SYDE2: variants seen among roughly 807,000 people sequenced by gnomAD.
SYDE2 encodes synapse defective Rho GTPase homolog 2.
A neutral mutation model predicts 91.5 loss-of-function variants in SYDE2; 76 were observed. That is an observed-to-expected ratio of 0.83 (90% confidence interval 0.69 to 1.01). The LOEUF (loss-of-function observed/expected upper bound fraction) is 1.01, where lower values mean the gene tolerates loss of function less well. SYDE2 is among the 50% of genes least tolerant of loss of function. The pLI, the probability that SYDE2 is intolerant of heterozygous loss-of-function variation, is 0.00. For synonymous variants in SYDE2, 513 were observed against 506.4 expected, an observed-to-expected ratio of 1.01 and a Z score of -0.18; for missense variants, 1,364 against 1,367.7, an observed-to-expected ratio of 1.00 and a Z score of 0.04.
intron 2 of SYDE2, 23 bp downstream of exon 2, chr1:85,190,034 G>C: frequency 6.7e-7 from 1 of 1,498,284 alleles, no homozygotes; most frequent in East Asian, 2.3e-5. Flanking sequence ...AAGAAAGAAA[G>C]ACACATATAT....
At chr1:85,159,761 A>G (rs1656991403) in intron 6 of SYDE2, 2 of 761,490 alleles carry the variant, frequency 2.6e-6, no homozygotes, top group African/African-American at 3.8e-5. Flanking sequence ...GTCATAGTTT[A>G]CTAAGCAGAT....
At chr1:85,178,046 TA>T in intron 4 of SYDE2, 99 bp downstream of exon 4, 2 of 1,043,168 alleles carry the variant, frequency 1.9e-6, no homozygotes, top group Non-Finnish European at 2.7e-6. Context: ...GACTTCAGAA[TA>T]AAAACAAATT....
Position 85,182,272 on chromosome 1 carries a change from C to G in SYDE2, c.2370G>C (p.Val790=). 6.2e-7 allele frequency: 1 copy of G among 1,613,000 alleles called. No individual in the cohort carries two copies. The highest frequency in any genetic ancestry group is 8.5e-7 in the Non-Finnish European group (1 of 1,179,566). The change falls in exon 3 of 7, where the codon GTG becomes GTC. Residue 790 remains valine, a synonymous_variant. Coordinates refer to ENST00000341460, the MANE Select transcript of SYDE2 (RefSeq NM_032184.2). The stretch of plus-strand genomic sequence containing the variant: ...CCCACTGTTCCATAAGAGTCACTTT[C>G]ACATAAATAAGACCTCTAGGTTCAA... The part of the protein sequence containing the change: ...VKLEPRGLIY[V]KVTLMEQWEN...
chr1:85,185,263 TA>T (rs780991478), intron 2 of SYDE2, among the ~76,000 whole-genome samples: 2 of 147,974 alleles, frequency 1.4e-5, no homozygotes, highest in East Asian at 3.9e-4. Flanking sequence ...AAATATATTT[TA>T]ATTATATATT....
Position 85,182,517 on chromosome 1 carries a change from C to G in SYDE2, c.2125G>C (p.Asp709His), listed in dbSNP as rs747621109. The stretch of plus-strand genomic sequence containing the variant: ...GCTGTTCTTGCTTTGTTTACTGAAT[C>G]TACCTGAATTGCACAAAAGACGTCT... Reference protein sequence around the residue: ...SKDVFCAIQVDSVNKARTALL... With the variant: ...SKDVFCAIQVHSVNKARTALL... Residue 709 changes from aspartate (D) to histidine (H), a missense_variant, in exon 3 of 7, where the codon GAT becomes CAT. Physicochemically the swap from Asp to His is moderately conservative, Grantham distance 81. Transcript: ENST00000341460. 19 of 1,613,776 alleles carry G rather than the reference C, an allele frequency of 1.2e-5. No individual in the cohort carries two copies. Among genetic ancestry groups the G allele is most frequent in the Non-Finnish European group, 1.4e-5 (17 of 1,179,872 alleles).
intron 1 of SYDE2, among the ~76,000 whole-genome samples, chr1:85,192,019 A>AC (rs111259666): frequency 0.18 from 27,732 of 152,008 alleles, 2,584 homozygotes; most frequent in East Asian, 0.28. Context: ...CAGGTTTCTA[A>AC]ATTATGGAAT....
chr1:85,192,358 T>C (rs1235196104), intron 1 of SYDE2, among the ~76,000 whole-genome samples: 2 of 151,970 alleles, frequency 1.3e-5, no homozygotes, highest in African/African-American at 4.8e-5. Flanking sequence ...CAGTGAGCTA[T>C]GATTGTGCCA....
intron 5 of SYDE2, 93 bp from the exon 6 acceptor site, chr1:85,164,850 C>T (rs1020289266): frequency 1.4e-6 from 1 of 723,098 alleles, no homozygotes; most frequent in Non-Finnish European, 2.0e-6. Flanking sequence ...CATCTTGTCA[C>T]TTTTAAAAGG....
Position 85,158,673 on chromosome 1 carries a change from T to C in SYDE2, c.*77A>G, listed in dbSNP as rs1656949515. The C allele has an allele frequency of 1.7e-6, 1 of 589,632 alleles. No homozygotes were observed. Among genetic ancestry groups the C allele is most frequent in the East Asian group, 3.0e-5 (1 of 33,394 alleles). The allele number at this position is 589,632 out of a possible 1,614,324, so 36.5% of individuals were successfully genotyped here. ...TTTCAAGAGTAAAAAAATGAAAACA[T>C]CGCTGTGGGTGGTATAAGAAAATAA... On this transcript the variant is annotated 3_prime_UTR_variant, in exon 7 of 7. Transcript: ENST00000341460.
intron 1 of SYDE2, among the ~76,000 whole-genome samples, chr1:85,198,119 A>G (rs772061318): frequency 6.6e-6 from 1 of 152,144 alleles, no homozygotes; most frequent in Non-Finnish European, 1.5e-5. Flanking sequence ...AAAGAACTCT[A>G]GAGTCTCTGA....
chr1:85,159,984 T>C (rs1276063554), intron 6 of SYDE2: 5 of 982,652 alleles, frequency 5.1e-6, no homozygotes, highest in East Asian at 2.3e-4. Flanking sequence ...GCTAGCCATA[T>C]AGACGATTAC....
chr1:85,169,724 T>C (rs768873225), intron 4 of SYDE2, among the ~76,000 whole-genome samples: 1 of 152,190 alleles, frequency 6.6e-6, no homozygotes, highest in Non-Finnish European at 1.5e-5. Context: ...CTTAAACCGA[T>C]ATATTGGATG....
At chr1:85,161,725 CA>C (rs60732181) in intron 6 of SYDE2, among the ~76,000 whole-genome samples, 18,782 of 83,174 alleles carry the variant, frequency 0.23, 1,600 homozygotes, top group African/African-American at 0.4. Context: ...GACTCCATCT[CA>C]AAAAAAAAAA....
At position 85,164,671 on chromosome 1, in the gene SYDE2, C is replaced by T. The variant is rs1657199506; in HGVS notation, c.2940G>A (p.Val980=). ...VNKMTCQNLA[V]CFGPVLLSQR... Reference sequence around the variant, plus strand: ...GACTTAATAATACTGGTCCAAAGCACACAGCCAAATTCTGGCACGTCATCT... The same window carrying T: ...GACTTAATAATACTGGTCCAAAGCATACAGCCAAATTCTGGCACGTCATCT... Residue 980 remains valine (V), a synonymous_variant, in exon 6 of 7, where the codon GTG becomes GTA. Coordinates refer to ENST00000341460, the MANE Select transcript of SYDE2 (RefSeq NM_032184.2). 6.4e-7 allele frequency: 1 copy of T among 1,558,124 alleles called. No individual in the cohort carries two copies. Among genetic ancestry groups the T allele is most frequent in the South Asian group, 1.2e-5 (1 of 81,746 alleles).
At position 85,200,439 on chromosome 1, in the gene SYDE2, C is replaced by T. The variant is rs748000181; in HGVS notation, c.558G>A (p.Val186=). Reference sequence around the variant, plus strand: ...TCCACTTCTGCAGCTTCTTGACTGTCACTGCCGGCGGCCTGAGGAAGGAGG... The same window carrying T: ...TCCACTTCTGCAGCTTCTTGACTGTTACTGCCGGCGGCCTGAGGAAGGAGG... The part of the protein sequence containing the change: ...EGPSFLRPPA[V]TVKKLQKWMY... The change falls in exon 1 of 7, where the codon GTG becomes GTA. Residue 186 remains valine, a synonymous_variant. Transcript: ENST00000341460. 1.9e-6 allele frequency: 3 copies of T among 1,613,880 alleles called. No homozygotes were observed. Among genetic ancestry groups the T allele is most frequent in the South Asian group, 2.2e-5 (2 of 91,092 alleles).
chr1:85,198,015 C>G (rs12075407), intron 1 of SYDE2, among the ~76,000 whole-genome samples: 7,062 of 152,226 alleles, frequency 0.046, 545 homozygotes, highest in African/African-American at 0.16. Context: ...TTCTTTGCAA[C>G]TTTGAGGAAG....
intron 5 of SYDE2, among the ~76,000 whole-genome samples, chr1:85,166,333 C>T (rs774325090): frequency 9.5e-5 from 14 of 146,902 alleles, no homozygotes; most frequent in Admixed American, 4.1e-4. Flanking sequence ...AGCAAGACTC[C>T]GTCTCAAAAA....
At chr1:85,188,327 C>T (rs914611807) in intron 2 of SYDE2, among the ~76,000 whole-genome samples, 2 of 152,012 alleles carry the variant, frequency 1.3e-5, no homozygotes, top group Non-Finnish European at 2.9e-5. Flanking sequence ...ATTTAATTAC[C>T]TTCAATCTCA....
Position 85,200,875 on chromosome 1 carries a change from C to T in SYDE2, c.122G>A (p.Arg41Gln), listed in dbSNP as rs2100703493. The change falls in exon 1 of 7, where the codon CGA becomes CAA. Residue 41 changes from arginine to glutamine, a missense_variant. By Grantham distance (43) the Arg-to-Gln change is conservative. Transcript: ENST00000341460. ...CCGCTCCCCGTCCCGGGGGCAGGCT[C>T]GGCGGTACGCGGCGCCGCGGGAAGG... ...QPPSRGAAYR[R>Q]ACPRDGERGG... is the part of the protein sequence containing the mutation. The T allele has an allele frequency of 7.4e-7, 1 of 1,342,542 alleles. No individual in the cohort carries two copies. The highest frequency in any genetic ancestry group is 2.0e-5 in the South Asian group (1 of 49,708). The allele number at this position is 1,342,542 out of a possible 1,614,324, so 83.2% of individuals were successfully genotyped here.
Sources: gnomAD v4.1 joint callset for allele counts (sites outside exome capture counted in the v4.1 genomes callset) on GRCh38, gnomAD v4.1.1 for gene constraint, MANE v1.5 for transcripts, NCBI Gene and HGNC (gene_info 2026-07-23, HGNC 2026-07-21) for gene names.